Variants in TNR observed in about 807,000 individuals in gnomAD.
The protein encoded by TNR is tenascin-R.
A neutral mutation model predicts 150.4 loss-of-function variants in TNR; 45 were observed. The observed-to-expected ratio is 0.30, with a 90% CI of 0.24 to 0.38. The LOEUF (loss-of-function observed/expected upper bound fraction) is 0.38, where lower values mean the gene tolerates loss of function less well. Among genes scored for constraint, TNR ranks in the 10% least tolerant of loss-of-function variants. The pLI, the probability that TNR is intolerant of heterozygous loss-of-function variation, is 1.00. For missense variants in TNR, 1,544 were observed against 1,759.1 expected, an observed-to-expected ratio of 0.88 and a Z score of 2.19; for synonymous variants, 687 against 678.4, an observed-to-expected ratio of 1.01 and a Z score of -0.20.
rs114814869 is a variant in TNR at position 175,412,324 on chromosome 1, T to C, written c.-63-5547A>G. 1.3e-3 allele frequency among the ~76,000 whole-genome samples: 193 copies of C among 152,288 alleles called. 1 individual carries two copies. The highest frequency in any genetic ancestry group is 4.6e-3 in the African/African-American group (190 of 41,540). On this transcript the variant is annotated intron_variant, in intron 2 of 22. Coordinates refer to ENST00000367674, the MANE Select transcript of TNR (RefSeq NM_003285.3). ...ACTCTTCTCCCCCTGGGTTCAGATT[T>C]AGGACTTCCTGACAGGGATGACTTT...
chr1:175,400,828 T>C (rs1194210570), intron 4 of TNR, among the ~76,000 whole-genome samples: 1 of 152,152 alleles, frequency 6.6e-6, no homozygotes, highest in Admixed American at 6.5e-5. Context: ...CCCCTTCTCC[T>C]ACAGTCTTTT....
intron 18 of TNR, among the ~76,000 whole-genome samples, chr1:175,345,368 G>T (rs1571319432): frequency 6.6e-6 from 1 of 152,164 alleles, no homozygotes; most frequent in African/African-American, 2.4e-5. Flanking sequence ...TGAAGAGTAA[G>T]ACTACTGTGA....
chr1:175,454,314 A>T (rs372715571), intron 2 of TNR, among the ~76,000 whole-genome samples: 12 of 152,310 alleles, frequency 7.9e-5, no homozygotes, highest in African/African-American at 2.9e-4. Context: ...TCATTCATCC[A>T]TTCATTCACA....
intron 1 of TNR, among the ~76,000 whole-genome samples, chr1:175,633,070 C>T (rs1368539400): frequency 6.6e-6 from 1 of 152,188 alleles, no homozygotes; most frequent in Non-Finnish European, 1.5e-5. Flanking sequence ...ACCCCCTCTT[C>T]CCTGCTTTAC....
chr1:175,644,389 C>G (rs902565603), intron 1 of TNR, among the ~76,000 whole-genome samples: 4 of 152,142 alleles, frequency 2.6e-5, no homozygotes, highest in African/African-American at 9.7e-5. Context: ...CGCAGTCTAA[C>G]CAGATTATGG....
intron 2 of TNR, among the ~76,000 whole-genome samples, chr1:175,527,125 T>C (rs1354330498): frequency 6.6e-6 from 1 of 152,210 alleles, no homozygotes; most frequent in Non-Finnish European, 1.5e-5. Context: ...CCTTAGCCGT[T>C]GGTACACCCT....
At chr1:175,443,324 G>A (rs1655879772) in intron 2 of TNR, among the ~76,000 whole-genome samples, 1 of 152,088 alleles carries the variant, frequency 6.6e-6, no homozygotes, top group African/African-American at 2.4e-5. Flanking sequence ...TACCCTTATA[G>A]TTTTGGAGAA....
chr1:175,742,238 T>A (rs1259004742), intron 1 of TNR, among the ~76,000 whole-genome samples: 1 of 152,126 alleles, frequency 6.6e-6, no homozygotes, highest in African/African-American at 2.4e-5. Context: ...AAAGAAGTAA[T>A]AATGAGCTCC....
At chr1:175,453,529 G>T (rs910503309) in intron 2 of TNR, among the ~76,000 whole-genome samples, 2 of 151,850 alleles carry the variant, frequency 1.3e-5, no homozygotes, top group Non-Finnish European at 2.9e-5. Context: ...CAGTTTTTTG[G>T]TTTTTAAACT....
At chr1:175,635,312 T>C (rs1664461222) in intron 1 of TNR, among the ~76,000 whole-genome samples, 1 of 152,210 alleles carries the variant, frequency 6.6e-6, no homozygotes, top group Non-Finnish European at 1.5e-5. Context: ...ACAAAAGGTC[T>C]CTAATTTTTC....
Position 175,601,786 on chromosome 1 carries a change from G to A in TNR, c.-164-73417C>T, listed in dbSNP as rs556770739. 3.5e-4 allele frequency among the ~76,000 whole-genome samples: 54 copies of A among 152,218 alleles called. No homozygotes were observed. In the South Asian group the frequency reaches 0.01, roughly 29 times the overall value. On this transcript the variant is annotated intron_variant, in intron 1 of 22. Coordinates refer to ENST00000367674, the MANE Select transcript of TNR (RefSeq NM_003285.3). ...TATACTATCTCTATAGTTTATTTCA[G>A]CTTTAGGGCTTTTAAAACTCTATTC...
rs1649230361 is a variant in TNR at position 175,324,293 on chromosome 1, A to C, written c.3957+63T>G. 6.5e-6 allele frequency: 10 copies of C among 1,532,354 alleles called. No individual in the cohort carries two copies. In the East Asian group the frequency reaches 2.3e-4, roughly 35 times the overall value. 94.9% of individuals were successfully genotyped at this position (1,532,354 alleles called of 1,614,324 possible). The stretch of plus-strand genomic sequence containing the variant: ...ACTCACATGTGCTTTTAAAATATAA[A>C]GCTAAGGGAGCACGGATTCCACAGC... On this transcript the variant is annotated intron_variant, in intron 22 of 22. Transcript: ENST00000367674.
chr1:175,625,414 CT>C (rs749099815), intron 1 of TNR, among the ~76,000 whole-genome samples: 2 of 152,220 alleles, frequency 1.3e-5, no homozygotes, highest in South Asian at 2.1e-4. Context: ...CTGGCACTAG[CT>C]TGCACTGGGT....
At chr1:175,547,567 A>AAGAAAGAG (rs1660739364) in intron 1 of TNR, among the ~76,000 whole-genome samples, 9 of 21,538 alleles carry the variant, frequency 4.2e-4, no homozygotes, top group African/African-American at 1.4e-3. Flanking sequence ...GATAGAAGGA[A>AAGAAAGAG]AGAAAGAAAG....
chr1:175,354,845 C>T (rs1263678072), intron 17 of TNR, among the ~76,000 whole-genome samples: 1 of 152,140 alleles, frequency 6.6e-6, no homozygotes, highest in Non-Finnish European at 1.5e-5. Context: ...TCTAAGGCCT[C>T]CTTACTTCTA....
intron 2 of TNR, among the ~76,000 whole-genome samples, chr1:175,477,225 A>G (rs1348672882): frequency 6.6e-6 from 1 of 152,240 alleles, no homozygotes; most frequent in African/African-American, 2.4e-5. Context: ...AGAAGCTCAC[A>G]TATGTCATTC....
At chr1:175,421,195 C>A (rs138147925) in intron 2 of TNR, among the ~76,000 whole-genome samples, 1 of 152,274 alleles carries the variant, frequency 6.6e-6, no homozygotes, top group East Asian at 1.9e-4. Flanking sequence ...CGGAGGGAAA[C>A]TTTGCTGTTT....
chr1:175,467,763 T>G (rs1033959653), intron 2 of TNR, among the ~76,000 whole-genome samples: 1 of 152,196 alleles, frequency 6.6e-6, no homozygotes, highest in Non-Finnish European at 1.5e-5. Flanking sequence ...CCCACCCTCA[T>G]GAGGCTCCTC....
chr1:175,393,121 C>G (rs77285768), intron 6 of TNR, among the ~76,000 whole-genome samples: 2,028 of 152,150 alleles, frequency 0.013, 37 homozygotes, highest in African/African-American at 0.046. Flanking sequence ...AAATTTAGAG[C>G]CAGGCATACA....
Sources: allele counts gnomAD v4.1 joint callset (sites outside exome capture counted in the v4.1 genomes callset), GRCh38; gene constraint gnomAD v4.1.1; transcripts MANE v1.5; gene names NCBI Gene and HGNC (gene_info 2026-07-23, HGNC 2026-07-21).